Variants in CDADC1 observed in about 807,000 individuals in gnomAD.
CDADC1 encodes the protein dCTP deaminase.
CDADC1 carries 39 observed loss-of-function variants against 54.9 expected under a neutral mutation model. That is an observed-to-expected ratio of 0.71 (90% CI 0.55 to 0.93). The LOEUF (loss-of-function observed/expected upper bound fraction) is 0.93. Ranked by LOEUF, CDADC1 falls within the 40% of genes least tolerant of loss-of-function variation. The probability of loss-of-function intolerance (pLI) is 0.00; values close to 1 mark genes in which losing one functional copy is unlikely to be tolerated. For missense variants in CDADC1, 518 were observed against 618.8 expected (o/e 0.84, Z 1.73); for synonymous variants, 186 against 204.0 (o/e 0.91, Z 0.75).
chr13:49,256,096 T>A, intron 3 of CDADC1, among the ~76,000 whole-genome samples, 183 bp downstream of exon 3: 1 of 149,936 alleles, frequency 6.7e-6, no homozygotes, highest in Non-Finnish European at 1.5e-5. Flanking sequence ...AAAGTACAGA[T>A]GGGATTATTC....
chr13:49,259,805 C>T (rs1367638427), intron 4 of CDADC1, among the ~76,000 whole-genome samples: 1 of 152,014 alleles, frequency 6.6e-6, no homozygotes, highest in Non-Finnish European at 1.5e-5. Flanking sequence ...CGTGATTGCG[C>T]CACTGCACTC....
chr13:49,248,446 A>T (rs1247864505), intron 1 of CDADC1: 2 of 359,996 alleles, frequency 5.6e-6, no homozygotes, highest in Non-Finnish European at 1.0e-5. Flanking sequence ...GCTTTCCTGT[A>T]TTTCGACTGC....
At chr13:49,257,546 G>A (rs962077218) in intron 3 of CDADC1, among the ~76,000 whole-genome samples, 20 of 152,180 alleles carry the variant, frequency 1.3e-4, no homozygotes, top group African/African-American at 2.7e-4. Flanking sequence ...CGAGGCGGGC[G>A]GATCACGAGA....
chr13:49,283,306 CTTAT>C (rs1246206523), intron 8 of CDADC1, among the ~76,000 whole-genome samples: 1 of 151,996 alleles, frequency 6.6e-6, no homozygotes, highest in African/African-American at 2.4e-5. Context: ...TTCTAATTGT[CTTAT>C]TTAAAGTTTA....
In CDADC1 at chr13:49,292,808, G is replaced by C; in HGVS notation, c.*1051G>C. On this transcript the variant is annotated 3_prime_UTR_variant, in exon 10 of 10. Coordinates refer to ENST00000251108, the MANE Select transcript of CDADC1 (RefSeq NM_030911.4). ...AGAGGGGTGGCCTGGGGTGCTTCAT[G>C]AGAAATGTCTTCCTGGATCTGCGGT... The C allele has an allele frequency of 7.8e-7, 1 of 1,279,862 alleles. No homozygotes were observed. Among genetic ancestry groups the C allele is most frequent in the Non-Finnish European group, 1.0e-6 (1 of 984,262 alleles). The allele number at this position is 1,279,862 out of a possible 1,614,324, so 79.3% of individuals were successfully genotyped here.
At chr13:49,275,724 TATAGAGAGAGAGAGAGAGAGAGAGAGAG>T (rs1566370143) in intron 6 of CDADC1, among the ~76,000 whole-genome samples, 18 of 15,454 alleles carry the variant, frequency 1.2e-3, no homozygotes, top group African/African-American at 2.6e-3. Flanking sequence ...TATATATATA[TATAGAGAGAGAGAGAGAGAGAGAGAGAG>T]AGAGAGAGAG....
In CDADC1 at chr13:49,286,268, C is replaced by T. The variant is rs1181042323; in HGVS notation, c.1457C>T (p.Pro486Leu). The change falls in exon 9 of 10, where the codon CCT becomes CTT. Residue 486 changes from proline to leucine, a missense_variant. Transcript: ENST00000251108. ...GCTTATGGTCTTGAACAAAATGAGCCTGAAAGGAGAGAAAGTAAGTATTTA... is the reference window on the plus strand; with the variant it reads ...GCTTATGGTCTTGAACAAAATGAGCTTGAAAGGAGAGAAAGTAAGTATTTA... Reference protein sequence around the residue: ...SGAYGLEQNEPERRENGVLRP... With the variant: ...SGAYGLEQNELERRENGVLRP... The T allele has an allele frequency of 6.2e-7, 1 of 1,612,576 alleles. No homozygotes were observed. The highest frequency in any genetic ancestry group is 1.1e-5 in the South Asian group (1 of 91,028).
At chr13:49,258,588 T>A (rs1362484345) in intron 3 of CDADC1, among the ~76,000 whole-genome samples, 1 of 152,244 alleles carries the variant, frequency 6.6e-6, no homozygotes, top group Non-Finnish European at 1.5e-5. Flanking sequence ...CAGTAACCAG[T>A]CTGCAGGGCT....
In CDADC1 at chr13:49,278,377, T is replaced by A; in HGVS notation, c.1078T>A (p.Tyr360Asn). ...AAGTTGTGATGGAACAGGTGCCATG[T>A]ACTTTGTAGGATGTGGTTACAATGC... ...SRSCDGTGAM[Y>N]FVGCGYNAFP... Residue 360 changes from tyrosine (Y) to asparagine (N), a missense_variant, in exon 7 of 10, where the codon TAC (tyrosine) becomes AAC (asparagine). By Grantham distance (143) the Tyr-to-Asn change is moderately radical. Coordinates refer to ENST00000251108, the MANE Select transcript of CDADC1 (RefSeq NM_030911.4). The A allele has an allele frequency of 1.3e-6, 2 of 1,583,794 alleles. No homozygotes were observed. Among genetic ancestry groups the A allele is most frequent in the South Asian group, 1.1e-5 (1 of 87,928 alleles).
intron 2 of CDADC1, among the ~76,000 whole-genome samples, chr13:49,253,912 A>G (rs1952487599): frequency 6.6e-6 from 1 of 152,176 alleles, no homozygotes; most frequent in Admixed American, 6.5e-5. Context: ...CTTTTCCAGA[A>G]CAGAAGCAAT....
chr13:49,268,090 AT>A (rs1296741930), intron 5 of CDADC1, 31 bp downstream of exon 5: 16 of 1,517,726 alleles, frequency 1.1e-5, no homozygotes, highest in Non-Finnish European at 1.4e-5. Flanking sequence ...ATTGGGGCTG[AT>A]TGGTTGGGTT....
chr13:49,271,468 C>G (rs1164464373), intron 5 of CDADC1, among the ~76,000 whole-genome samples: 1 of 152,068 alleles, frequency 6.6e-6, no homozygotes, highest in African/African-American at 2.4e-5. Flanking sequence ...ACTTTTAAAA[C>G]AGAACTCAGT....
chr13:49,275,724 TATAGAGAGAGAGAGAGAG>T (rs1953107249), intron 6 of CDADC1, among the ~76,000 whole-genome samples: 3 of 15,458 alleles, frequency 1.9e-4, no homozygotes, highest in Admixed American at 2.1e-3. Flanking sequence ...TATATATATA[TATAGAGAGAGAGAGAGAG>T]AGAGAGAGAG....
intron 4 of CDADC1, among the ~76,000 whole-genome samples, chr13:49,263,724 A>G (rs1199736744): frequency 6.6e-6 from 1 of 152,164 alleles, no homozygotes; most frequent in Non-Finnish European, 1.5e-5. Flanking sequence ...AAATTTGAGC[A>G]TCCAGTTGTC....
intron 6 of CDADC1, among the ~76,000 whole-genome samples, chr13:49,276,890 A>G (rs1953154522): frequency 6.6e-6 from 1 of 152,222 alleles, no homozygotes; most frequent in Non-Finnish European, 1.5e-5. Flanking sequence ...TGTGTACATG[A>G]ATGCTCAGCA....
intron 8 of CDADC1, among the ~76,000 whole-genome samples, chr13:49,283,745 G>A (rs757135589): frequency 1.3e-5 from 2 of 152,152 alleles, no homozygotes; most frequent in African/African-American, 2.4e-5. Context: ...AGACCCTCCC[G>A]GAAATACCCT....
intron 9 of CDADC1, among the ~76,000 whole-genome samples, chr13:49,288,667 T>C (rs1242029568): frequency 6.6e-6 from 1 of 152,142 alleles, no homozygotes; most frequent in Non-Finnish European, 1.5e-5. Flanking sequence ...TTTGGGTAAA[T>C]CAGTCTGTCT....
chr13:49,248,475 C>G (rs1952347154), intron 1 of CDADC1: 1 of 337,324 alleles, frequency 3.0e-6, no homozygotes, highest in Non-Finnish European at 5.5e-6. Flanking sequence ...CGAAGGTCAG[C>G]GCATTTTTCG....
At position 49,259,400 on chromosome 13, in the gene CDADC1, T is replaced by C. The variant is rs1039126827; in HGVS notation, c.307T>C (p.Cys103Arg). 9 of 1,613,980 alleles carry C rather than the reference T, an allele frequency of 5.6e-6. No individual in the cohort carries two copies. The highest frequency in any genetic ancestry group is 2.5e-6 in the Non-Finnish European group (3 of 1,179,954). Residue 103 changes from cysteine (C) to arginine (R), a missense_variant, in exon 4 of 10, where the codon TGT becomes CGT. Coordinates refer to ENST00000251108, the MANE Select transcript of CDADC1 (RefSeq NM_030911.4). ...VKNMKIVGLHCSSEDLHAGQI... is the reference protein window; with the variant it reads ...VKNMKIVGLHRSSEDLHAGQI... Reference sequence around the variant, plus strand: ...AAACATGAAAATTGTTGGTCTCCACTGTTCTAGTGAAGATTTACATGCCGG... The same window carrying C: ...AAACATGAAAATTGTTGGTCTCCACCGTTCTAGTGAAGATTTACATGCCGG...
Sources: allele counts gnomAD v4.1 joint callset (sites outside exome capture counted in the v4.1 genomes callset), GRCh38; gene constraint gnomAD v4.1.1; transcripts MANE v1.5; gene names NCBI Gene and HGNC (gene_info 2026-07-23, HGNC 2026-07-21).